The following SLC15A3 variants were observed in gnomAD, a reference collection of about 807,000 sequenced individuals.
The protein encoded by SLC15A3 is solute carrier family 15 member 3.
Under a neutral mutation model 49.2 loss-of-function variants are expected in SLC15A3, and 39 were observed. The observed-to-expected ratio is 0.79, with a 90% CI of 0.61 to 1.04. The LOEUF (loss-of-function observed/expected upper bound fraction) is 1.04. Ranked by LOEUF, SLC15A3 falls within the 50% of genes least tolerant of loss-of-function variation. The pLI is 0.00. For synonymous variants in SLC15A3, 339 were observed against 367.0 expected (o/e 0.92, Z 0.87); for missense variants, 758 against 794.8 (o/e 0.95, Z 0.56).
At chr11:60,944,181 C>T (rs1339339685) in intron 2 of SLC15A3, among the ~76,000 whole-genome samples, 6 of 152,102 alleles carry the variant, frequency 3.9e-5, no homozygotes, top group Admixed American at 2.0e-4. Flanking sequence ...AACAAACAAA[C>T]GCAGCAGCCA....
At chr11:60,943,566 C>T in intron 3 of SLC15A3, 123 bp downstream of exon 3, 6 of 1,113,140 alleles carry the variant, frequency 5.4e-6, no homozygotes, top group Non-Finnish European at 7.1e-6. Context: ...CGGGGCAGCA[C>T]CTCACTTTAT....
In SLC15A3 at chr11:60,951,267, G is replaced by T; in HGVS notation, c.285C>A (p.Asp95Glu). ...LLAPVGGWLA[D>E]VYLGRYRAVA... is the part of the protein sequence containing the mutation. ...CCGCGCGGTAGCGGCCCAGGTACAC[G>T]TCGGCCAGCCAGCCGCCCACGGGCG... Residue 95 changes from aspartate (D) to glutamate (E), a missense_variant, in exon 1 of 8, where the codon GAC becomes GAA. Physicochemically the swap from Asp to Glu is conservative, Grantham distance 45 (BLOSUM62 2). Coordinates refer to ENST00000227880, the MANE Select transcript of SLC15A3 (RefSeq NM_016582.3). 1 of 1,515,006 alleles carries T rather than the reference G, an allele frequency of 6.6e-7. No homozygotes were observed. The highest frequency in any genetic ancestry group is 8.8e-7 in the Non-Finnish European group (1 of 1,134,190). 93.8% of individuals were successfully genotyped at this position (1,515,006 alleles called of 1,614,324 possible).
At position 60,951,226 on chromosome 11, in the gene SLC15A3, A is replaced by G; in HGVS notation, c.326T>C (p.Leu109Pro). The G allele has an allele frequency of 6.6e-7, 1 of 1,508,958 alleles. No homozygotes were observed. 93.5% of individuals were successfully genotyped at this position (1,508,958 alleles called of 1,614,324 possible). ...CAGGCCCGAGGCGGCCAGGTAGAGC[A>G]GCAGGCTGAGCGCGACCGCGCGGTA... ...GRYRAVALSL[L>P]LYLAASGLLP... Residue 109 changes from leucine (L) to proline (P), a missense_variant, in exon 1 of 8, where the codon CTG (leucine) becomes CCG (proline). By Grantham distance (98) the Leu-to-Pro change is moderately conservative. Transcript: ENST00000227880.
chr11:60,951,379 A>T lies in SLC15A3; in HGVS notation c.173T>A (p.Leu58Gln). 2.6e-6 allele frequency: 4 copies of T among 1,549,992 alleles called. No homozygotes were observed. Among genetic ancestry groups the T allele is most frequent in the Non-Finnish European group, 3.5e-6 (4 of 1,153,630 alleles). ...GTTGAAGTTGGTGCTGTTGAGGTAC[A>T]GCACGAGGTTGGCGGTGACGCCGAA... ...AFFGVTANLV[L>Q]YLNSTNFNWT... Residue 58 changes from leucine (L) to glutamine (Q), a missense_variant, in exon 1 of 8, where the codon CTG (leucine) becomes CAG (glutamine). Around this residue, in one of 3 missense-constraint regions of SLC15A3, gnomAD observed 699 missense variants for 706.7 expected, o/e 0.99. Transcript: ENST00000227880.
chr11:60,937,523 T>C (rs753357374), intron 7 of SLC15A3, 150 bp from the exon 8 acceptor site: 122 of 1,022,318 alleles, frequency 1.2e-4, no homozygotes, highest in Non-Finnish European at 8.1e-5. Context: ...CACTAATGTT[T>C]GACTTCCTGA....
intron 7 of SLC15A3, 111 bp from the exon 8 acceptor site, chr11:60,937,484 G>A (rs560918864): frequency 1.4e-6 from 2 of 1,416,730 alleles, no homozygotes; most frequent in African/African-American, 2.8e-5. Context: ...GTGGGCAGTG[G>A]TGGGATCTGA....
chr11:60,939,479 C>G lies in SLC15A3; in HGVS notation c.1435+1G>C, dbSNP rs201550280. The G allele has an allele frequency of 8.1e-6, 13 of 1,613,866 alleles. No homozygotes were observed. The East Asian group carries it at 2.5e-4, about 30-fold the overall frequency. ...GGAGCAGGGGAGGGGATCCAGGGTA[C>G]CTGGGATGCTGGCAAAGATCTCACT... On this transcript the variant is annotated splice_donor_variant, in intron 6 of 7. Transcript: ENST00000227880. LOFTEE classifies it high-confidence loss of function.
chr11:60,938,278 CTCCTCCCCT>C (rs146982341), intron 6 of SLC15A3: 7,084 of 470,448 alleles, frequency 0.015, 401 homozygotes, highest in African/African-American at 0.13. Flanking sequence ...TCTGTCTCCC[CTCCTCCCCT>C]TCCTGCCAGG....
intron 1 of SLC15A3, among the ~76,000 whole-genome samples, chr11:60,947,406 C>T (rs1856820223): frequency 6.6e-6 from 1 of 152,216 alleles, no homozygotes; most frequent in South Asian, 2.1e-4. Context: ...GTCTCGATCT[C>T]CTGACCTCGT....
At position 60,941,729 on chromosome 11, in the gene SLC15A3, C is replaced by A. The variant is rs546775342; in HGVS notation, c.1107+306G>T. On this transcript the variant is annotated intron_variant, in intron 4 of 7. Coordinates refer to ENST00000227880, the MANE Select transcript of SLC15A3 (RefSeq NM_016582.3). ...CTAAGGGTCCCAGAGAAAGAGGGGA[C>A]AAGGAAGAGTTGAAAAGGGACCTAA... 1.2e-3 allele frequency: 436 copies of A among 366,716 alleles called. 1 individual carries two copies. Among genetic ancestry groups the A allele is most frequent in the Non-Finnish European group, 1.9e-3 (373 of 198,366 alleles). The allele number at this position is 366,716 out of a possible 1,614,324, so 22.7% of individuals were successfully genotyped here. A position where few individuals can be genotyped will look rare whatever the true frequency, so the allele number is the denominator to read the frequency against.
At chr11:60,937,814 T>A in intron 7 of SLC15A3, 56 bp downstream of exon 7, 1 of 1,581,442 alleles carries the variant, frequency 6.3e-7, no homozygotes, top group East Asian at 2.3e-5. Flanking sequence ...AGTTGCCACC[T>A]CCTTTCCAAG....
chr11:60,951,683 G>A lies in SLC15A3; in HGVS notation c.-132C>T. ...GCTGGCCCTCCTTTCTCACCGCTTT[G>A]GCCCACCCTTCCCTCCTGTCCCCTC... On this transcript the variant is annotated 5_prime_UTR_variant, in exon 1 of 8. Coordinates refer to ENST00000227880, the MANE Select transcript of SLC15A3 (RefSeq NM_016582.3). 1 of 640,982 alleles carries A rather than the reference G, an allele frequency of 1.6e-6. No homozygotes were observed. Among genetic ancestry groups the A allele is most frequent in the Non-Finnish European group, 1.9e-6 (1 of 516,870 alleles). The allele number at this position is 640,982 out of a possible 1,614,324, so 39.7% of individuals were successfully genotyped here. A position where few individuals can be genotyped will look rare whatever the true frequency, so the allele number is the denominator to read the frequency against.
At chr11:60,939,389 TG>T (rs1439793639) in intron 6 of SLC15A3, 90 bp downstream of exon 6, 13 of 1,494,074 alleles carry the variant, frequency 8.7e-6, no homozygotes, top group Non-Finnish European at 1.2e-5. Context: ...AGATGGGCCC[TG>T]GGGGCTGCAT....
Position 60,951,470 on chromosome 11 carries a change from G to C in SLC15A3, c.82C>G (p.Arg28Gly). 7 of 1,385,988 alleles carry C rather than the reference G, an allele frequency of 5.1e-6. No individual in the cohort carries two copies. Among genetic ancestry groups the C allele is most frequent in the South Asian group, 3.3e-5 (2 of 60,488 alleles). 85.9% of individuals were successfully genotyped at this position (1,385,988 alleles called of 1,614,324 possible). The part of the protein sequence containing the change: ...PLLPRGARGP[R>G]RWRRAAGAAV... Reference sequence around the variant, plus strand: ...GCGCCCGCCGCCCGCCGCCACCGTCGAGGGCCCCGCGCACCGCGAGGCAGC... The same window carrying C: ...GCGCCCGCCGCCCGCCGCCACCGTCCAGGGCCCCGCGCACCGCGAGGCAGC... The change falls in exon 1 of 8, where the codon CGA becomes GGA. Residue 28 changes from arginine to glycine, a missense_variant. Coordinates refer to ENST00000227880, the MANE Select transcript of SLC15A3 (RefSeq NM_016582.3).
At chr11:60,938,520 GGA>G (rs1856659329) in intron 6 of SLC15A3, among the ~76,000 whole-genome samples, 1 of 152,076 alleles carries the variant, frequency 6.6e-6, no homozygotes, top group Non-Finnish European at 1.5e-5. Context: ...CACACAGCCA[GGA>G]GCATCAGTCT....
At chr11:60,944,240 C>G (rs545023460) in intron 2 of SLC15A3, among the ~76,000 whole-genome samples, 3 of 152,244 alleles carry the variant, frequency 2.0e-5, no homozygotes, top group South Asian at 2.1e-4. Flanking sequence ...ACCATCACCC[C>G]CTAATTTAAT....
chr11:60,943,808 C>A lies in SLC15A3; in HGVS notation c.877G>T (p.Asp293Tyr). 1.3e-6 allele frequency: 2 copies of A among 1,597,978 alleles called. No homozygotes were observed. Among genetic ancestry groups the A allele is most frequent in the Non-Finnish European group, 1.7e-6 (2 of 1,170,986 alleles). ...GCCCCTGGCTGGGGAGACCTCTCGT[C>A]GGCCAGCACGCGGGCACATTGACGG... Reference protein sequence around the residue: ...RDRQCARVLADERSPQPGASP... With the variant: ...RDRQCARVLAYERSPQPGASP... Residue 293 changes from aspartate to tyrosine, a missense_variant, in exon 3 of 8, where the codon GAC becomes TAC. Coordinates refer to ENST00000227880, the MANE Select transcript of SLC15A3 (RefSeq NM_016582.3).
At position 60,937,271 on chromosome 11, in the gene SLC15A3, C is replaced by G. The variant is rs758258500; in HGVS notation, c.1694G>C (p.Arg565Thr). The change falls in exon 8 of 8, where the codon AGG (arginine) becomes ACG (threonine). Residue 565 changes from arginine to threonine, a missense_variant. By Grantham distance (71) the Arg-to-Thr change is moderately conservative. Transcript: ENST00000227880. ...LFVWIAGRYERASQGPASHSR... is the reference protein window; with the variant it reads ...LFVWIAGRYETASQGPASHSR... ...GTGGGAGGCTGGGCCCTGGGACGCC[C>G]TCTCATAGCGTCCAGCGATCCAGAC... 6.2e-7 allele frequency: 1 copy of G among 1,614,172 alleles called. No individual in the cohort carries two copies. The highest frequency in any genetic ancestry group is 8.5e-7 in the Non-Finnish European group (1 of 1,180,026).
chr11:60,949,776 G>A (rs541193700), intron 1 of SLC15A3, among the ~76,000 whole-genome samples: 53 of 152,340 alleles, frequency 3.5e-4, no homozygotes, highest in African/African-American at 1.2e-3. Context: ...ACTGAGACAA[G>A]AAGAAAGTGC....
Sources: allele counts gnomAD v4.1 joint callset (sites outside exome capture counted in the v4.1 genomes callset), GRCh38; gene constraint gnomAD v4.1.1; regional missense constraint gnomAD v4.1.1; transcripts MANE v1.5; gene names NCBI Gene and HGNC (gene_info 2026-07-23, HGNC 2026-07-21).